Variants in NAV3 observed in about 807,000 individuals in gnomAD.
The protein encoded by NAV3 is pore membrane and/or filament interacting like protein 1.
Under a neutral mutation model 244.7 loss-of-function variants are expected in NAV3, and 87 were observed. That is an observed-to-expected ratio of 0.36 (90% CI 0.30 to 0.42). The LOEUF is 0.42. Ranked by LOEUF, NAV3 falls within the 20% of genes least tolerant of loss-of-function variation. NAV3 has a pLI of 1.00. For missense variants in NAV3, 2,663 were observed against 2,893.3 expected (o/e 0.92, Z 1.83); for synonymous variants, 1,126 against 1,042.2 (o/e 1.08, Z -1.55).
rs557541604 is a variant in NAV3, at chr12:77,699,690, C to T, written c.72+127424C>T. On this transcript the variant is annotated intron_variant, in intron 2 of 8. Transcript: ENST00000550042. ...ATGTGGCTTCTATATGTGACCTGGG[C>T]TTTATCACAGCTAAGTGGCTTCAGG... Among the ~76,000 whole-genome samples, 171 of 152,008 alleles carry T rather than the reference C, an allele frequency of 1.1e-3. 1 individual carries two copies. Among genetic ancestry groups the T allele is most frequent in the African/African-American group, 3.5e-3 (147 of 41,498 alleles).
intron 2 of NAV3, among the ~76,000 whole-genome samples, chr12:77,632,566 G>A (rs9705755): frequency 0.062 from 9,411 of 152,046 alleles, 840 homozygotes; most frequent in African/African-American, 0.2. Context: ...CCTCCCATTC[G>A]GTCCCTCCCA....
rs557062149 is a variant in NAV3, at chr12:78,133,816, C to A, written c.4442-3361C>A. Among the ~76,000 whole-genome samples, 3 of 152,110 alleles carry A rather than the reference C, an allele frequency of 2.0e-5. No homozygotes were observed. The East Asian group carries it at 5.8e-4, about 29-fold the overall frequency. On this transcript the variant is annotated intron_variant, in intron 18 of 39. Coordinates refer to ENST00000397909, the MANE Select transcript of NAV3 (RefSeq NM_001024383.2). ...ATGAAACTTCATTTGGGAAAATAAC[C>A]CAATCTCTACCCTTCAATTTTTTAT... is the stretch of plus-strand genomic sequence containing the variant.
At chr12:77,884,040 T>C (rs1882992486) in intron 1 of NAV3, among the ~76,000 whole-genome samples, 1 of 152,176 alleles carries the variant, frequency 6.6e-6, no homozygotes, top group Non-Finnish European at 1.5e-5. Context: ...ATAGCTTTGA[T>C]AGGTGTTTCA....
intron 2 of NAV3, among the ~76,000 whole-genome samples, chr12:77,620,262 A>C (rs1871316316): frequency 6.6e-6 from 1 of 152,190 alleles, no homozygotes; most frequent in South Asian, 2.1e-4. Flanking sequence ...TGAACATTAT[A>C]AAATGATGAA....
In NAV3 at chr12:78,007,321, G is replaced by T. The variant is rs759468458; in HGVS notation, c.1783G>T (p.Gly595Cys). Reference sequence around the variant, plus strand: ...GGAAGCTGGCCAAGCTTCTCCTTCTGGTTCCTGTACCATGACAGTGGCACA... The same window carrying T: ...GGAAGCTGGCCAAGCTTCTCCTTCTTGTTCCTGTACCATGACAGTGGCACA... ...GREAGQASPS[G>C]SCTMTVAQSS... The change falls in exon 8 of 40, where the codon GGT (glycine) becomes TGT (cysteine). Residue 595 changes from glycine (G) to cysteine (C), a missense_variant. Physicochemically the swap from Gly to Cys is radical, Grantham distance 159. This residue lies in a region of NAV3 where 1,521 missense variants were observed against 1,497.0 expected (regional missense o/e 1.02). Transcript: ENST00000397909. The T allele has an allele frequency of 4.2e-5, 67 of 1,614,058 alleles. No individual in the cohort carries two copies. Among genetic ancestry groups the T allele is most frequent in the Non-Finnish European group, 5.6e-5 (66 of 1,180,046 alleles).
intron 1 of NAV3, among the ~76,000 whole-genome samples, chr12:77,890,754 A>G (rs1239157467): frequency 1.3e-5 from 2 of 152,218 alleles, no homozygotes; most frequent in African/African-American, 4.8e-5. Context: ...TTCTTACACA[A>G]AGTAGTTACT....
intron 2 of NAV3, among the ~76,000 whole-genome samples, chr12:77,681,944 G>T (rs1410613839): frequency 6.6e-6 from 1 of 152,182 alleles, no homozygotes; most frequent in Non-Finnish European, 1.5e-5. Context: ...GCATCGTCAA[G>T]CTATTTACAC....
chr12:77,766,589 A>G, intron 2 of NAV3, among the ~76,000 whole-genome samples: 1 of 152,132 alleles, frequency 6.6e-6, no homozygotes, highest in Non-Finnish European at 1.5e-5. Flanking sequence ...AAGAAAAATA[A>G]AAGGATAGTT....
intron 1 of NAV3, among the ~76,000 whole-genome samples, chr12:77,898,340 A>G (rs1345890907): frequency 6.6e-6 from 1 of 152,214 alleles, no homozygotes; most frequent in Non-Finnish European, 1.5e-5. Flanking sequence ...TGTAGTATAT[A>G]ATACATGATC....
intron 1 of NAV3, among the ~76,000 whole-genome samples, chr12:77,920,901 G>T (rs1758908430): frequency 1.3e-5 from 2 of 152,034 alleles, no homozygotes. Flanking sequence ...TCACCATTTG[G>T]ATTCATATGA....
chr12:77,968,222 C>G (rs1565970206), intron 4 of NAV3, among the ~76,000 whole-genome samples: 1 of 152,184 alleles, frequency 6.6e-6, no homozygotes, highest in Admixed American at 6.5e-5. Context: ...TCATTTATTT[C>G]TAAGAAGCAG....
chr12:77,645,536 T>TAA (rs756805711), intron 2 of NAV3, among the ~76,000 whole-genome samples: 1,448 of 62,876 alleles, frequency 0.023, 35 homozygotes, highest in Non-Finnish European at 0.035. Context: ...TCTCTCTCTC[T>TAA]AAAAAAAAAA....
intron 12 of NAV3, among the ~76,000 whole-genome samples, chr12:78,095,092 T>C (rs12823097): frequency 1.8e-4 from 27 of 146,214 alleles, no homozygotes; most frequent in African/African-American, 5.7e-4. Context: ...CACACACATA[T>C]ATATATACAC....
At chr12:78,021,680 C>A (rs1207779875) in intron 8 of NAV3, 67 bp from the exon 9 acceptor site, 3 of 1,066,520 alleles carry the variant, frequency 2.8e-6, no homozygotes, top group African/African-American at 1.6e-5. Context: ...TCTTGTAGAA[C>A]TTCCACTTTG....
intron 18 of NAV3, chr12:78,130,653 T>C (rs1956122734): frequency 6.5e-6 from 1 of 153,350 alleles, no homozygotes; most frequent in Admixed American, 6.5e-5. Flanking sequence ...GGAAAAACTT[T>C]ATGTCAGTCC....
rs756005980 is a variant in NAV3, at chr12:78,210,461, G to C, written c.7102G>C (p.Glu2368Gln). The change falls in exon 40 of 40, where the codon GAA (glutamate) becomes CAA (glutamine). Residue 2368 changes from glutamate to glutamine, a missense_variant. Physicochemically the swap from Glu to Gln is conservative, Grantham distance 29. Transcript: ENST00000397909. ...NYSSTQSCDS[E>Q]STSHHEDILD... ...CTCGAGCACACAAAGCTGCGACAGC[G>C]AAAGCACCAGCCACCATGAAGACAT... is the stretch of plus-strand genomic sequence containing the variant. The C allele has an allele frequency of 6.2e-7, 1 of 1,613,752 alleles. No homozygotes were observed. The highest frequency in any genetic ancestry group is 1.7e-5 in the Admixed American group (1 of 59,978).
At chr12:77,588,473 G>A (rs919664616) in intron 2 of NAV3, among the ~76,000 whole-genome samples, 1 of 152,004 alleles carries the variant, frequency 6.6e-6, no homozygotes, top group Non-Finnish European at 1.5e-5. Flanking sequence ...AACCCCGTGG[G>A]GCACTTAAAT....
rs139504631 is a variant in NAV3, at chr12:77,671,004, A to G, written c.72+98738A>G. On this transcript the variant is annotated intron_variant, in intron 2 of 8. Coordinates refer to the NAV3 transcript ENST00000550042. ...GTAAAGAGGAAGTCAAACTGTTGCC[A>G]TTTGCTGATGATATGATCATATACC... 1.9e-4 allele frequency among the ~76,000 whole-genome samples: 29 copies of G among 152,172 alleles called. No individual in the cohort carries two copies. In the East Asian group the frequency reaches 4.4e-3, roughly 23 times the overall value.
intron 2 of NAV3, among the ~76,000 whole-genome samples, chr12:77,791,865 A>G (rs1871191156): frequency 6.6e-6 from 1 of 152,244 alleles, no homozygotes; most frequent in African/African-American, 2.4e-5. Context: ...GTGACTTATT[A>G]TAAGTAATCT....
Sources: gnomAD v4.1 joint callset for allele counts (sites outside exome capture counted in the v4.1 genomes callset) on GRCh38, gnomAD v4.1.1 for gene constraint, gnomAD v4.1.1 regional missense constraint, MANE v1.5 for transcripts, NCBI Gene and HGNC (gene_info 2026-07-23, HGNC 2026-07-21) for gene names.